MRPL48: variants seen among roughly 807,000 people sequenced by gnomAD.
MRPL48 encodes the protein large ribosomal subunit protein mL48.
A neutral mutation model predicts 32.9 loss-of-function variants in MRPL48; 16 were observed. The ratio of observed to expected loss-of-function variants is 0.49; its 90% confidence interval spans 0.33 to 0.74. The LOEUF is 0.74. MRPL48 is among the 30% of genes least tolerant of loss of function. MRPL48 has a pLI of 0.02. For missense variants in MRPL48, 206 were observed against 245.3 expected (o/e 0.84, Z 1.07); for synonymous variants, 94 against 89.2 (o/e 1.05, Z -0.31).
chr11:73,831,940 C>A (rs1210634400), intron 4 of MRPL48, among the ~76,000 whole-genome samples: 158 of 67,052 alleles, frequency 2.4e-3, no homozygotes, highest in African/African-American at 2.9e-3. Context: ...AACTCTGTCT[C>A]AAAAAAAAAA....
chr11:73,856,010 A>G (rs988657929), intron 5 of MRPL48, among the ~76,000 whole-genome samples: 2 of 152,174 alleles, frequency 1.3e-5, no homozygotes, highest in African/African-American at 4.8e-5. Flanking sequence ...TTCTGTCTTC[A>G]TTAGTGGCCT....
chr11:73,815,291 G>A (rs1354521196), intron 3 of MRPL48, among the ~76,000 whole-genome samples: 2 of 151,226 alleles, frequency 1.3e-5, no homozygotes, highest in Non-Finnish European at 3.0e-5. Context: ...TGGTGCTCCT[G>A]TAATTCCAGT....
chr11:73,843,736 C>G (rs1948233942), intron 4 of MRPL48, among the ~76,000 whole-genome samples: 1 of 152,012 alleles, frequency 6.6e-6, no homozygotes, highest in Non-Finnish European at 1.5e-5. Context: ...TCTGATAAAA[C>G]TCAGGATTCT....
intron 1 of MRPL48, among the ~76,000 whole-genome samples, chr11:73,799,577 G>A (rs543811305): frequency 2.6e-5 from 4 of 152,244 alleles, no homozygotes; most frequent in South Asian, 2.1e-4. Flanking sequence ...ATAAAATGCG[G>A]TAGAAATATC....
chr11:73,823,239 A>ACTG (rs1043025107), intron 3 of MRPL48, among the ~76,000 whole-genome samples: 6 of 152,154 alleles, frequency 3.9e-5, no homozygotes, highest in African/African-American at 1.4e-4. Context: ...AAGGTTGGGG[A>ACTG]CTGCTGACTT....
At chr11:73,797,352 A>T (rs2134941009) in intron 1 of MRPL48, among the ~76,000 whole-genome samples, 1 of 152,348 alleles carries the variant, frequency 6.6e-6, no homozygotes, top group Middle Eastern at 3.4e-3. Context: ...GGGCTAAAAG[A>T]GCTGCAACAG....
intron 4 of MRPL48, among the ~76,000 whole-genome samples, chr11:73,834,715 A>G (rs572402193): frequency 4.2e-4 from 64 of 150,628 alleles, no homozygotes; most frequent in African/African-American, 1.4e-3. Flanking sequence ...TTGTATTTTT[A>G]GTAGAGACAG....
chr11:73,800,841 C>T (rs185271996), intron 1 of MRPL48, among the ~76,000 whole-genome samples: 70 of 116,068 alleles, frequency 6.0e-4, no homozygotes, highest in African/African-American at 1.9e-3. Flanking sequence ...GATGGAGTTT[C>T]GCTCTTGTTG....
intron 4 of MRPL48, chr11:73,832,837 G>A (rs1948020593): frequency 6.6e-6 from 1 of 152,122 alleles, no homozygotes; most frequent in African/African-American, 2.4e-5. Context: ...CTCATTAAAA[G>A]AAAAACCATA....
intron 5 of MRPL48, among the ~76,000 whole-genome samples, chr11:73,850,215 GAGTC>G (rs1167705255): frequency 6.6e-6 from 1 of 150,436 alleles, no homozygotes; most frequent in African/African-American, 2.4e-5. Context: ...TTTTTACACT[GAGTC>G]AGAAAATTAT....
chr11:73,798,774 G>A (rs1176387904), intron 1 of MRPL48, among the ~76,000 whole-genome samples: 4 of 152,026 alleles, frequency 2.6e-5, no homozygotes, highest in African/African-American at 4.8e-5. Flanking sequence ...GGCGGATCAC[G>A]AGGTCAGGAG....
At chr11:73,860,070 T>C in intron 6 of MRPL48, 61 bp downstream of exon 6, 1 of 1,375,394 alleles carries the variant, frequency 7.3e-7, no homozygotes, top group Non-Finnish European at 1.0e-6. Flanking sequence ...CTCTGTCCAC[T>C]TTTTCACTTT....
intron 1 of MRPL48, among the ~76,000 whole-genome samples, chr11:73,794,455 T>C (rs1947212723): frequency 6.6e-6 from 1 of 151,156 alleles, no homozygotes; most frequent in South Asian, 2.1e-4. Context: ...CTCGGGAGGT[T>C]GAGGCAGGAG....
rs537079396 is a variant in MRPL48 at position 73,851,314 on chromosome 11, A to G, written c.371+6338A>G. On this transcript the variant is annotated intron_variant, in intron 5 of 7. Coordinates refer to ENST00000310614, the MANE Select transcript of MRPL48 (RefSeq NM_016055.6). ...GAAAGGCTGAAAGCACAGAACCAGT[A>G]ACTTGCCTGGATTTAAACCCAGTTC... The G allele has an allele frequency of 5.1e-5, 12 of 235,894 alleles. No individual in the cohort carries two copies. In the South Asian group the frequency reaches 6.3e-4, roughly 12 times the overall value. 14.6% of individuals were successfully genotyped at this position (235,894 alleles called of 1,614,324 possible).
At position 73,805,090 on chromosome 11, in the gene MRPL48, T is replaced by G. The variant is rs1242504871; in HGVS notation, c.74+11T>G. ...CTTTTCTCTCTTAAGGTAAGAATAT[T>G]AAAAACAATAATTAAATATAGGTAA... On this transcript the variant is annotated intron_variant, in intron 2 of 7. Transcript: ENST00000310614. 4 of 1,550,698 alleles carry G rather than the reference T, an allele frequency of 2.6e-6. No homozygotes were observed. In the Middle Eastern group the frequency reaches 5.0e-4, roughly 196 times the overall value.
intron 1 of MRPL48, among the ~76,000 whole-genome samples, chr11:73,801,416 C>T (rs1245521025): frequency 1.3e-5 from 2 of 151,910 alleles, no homozygotes; most frequent in Non-Finnish European, 2.9e-5. Flanking sequence ...CAGTTTCCTA[C>T]TCTGTCTTTT....
At chr11:73,844,211 C>T (rs1948243976) in intron 4 of MRPL48, among the ~76,000 whole-genome samples, 1 of 151,940 alleles carries the variant, frequency 6.6e-6, no homozygotes, top group Non-Finnish European at 1.5e-5. Flanking sequence ...GGGTGGATTG[C>T]CTGAGCTCAG....
intron 1 of MRPL48, chr11:73,789,577 A>C (rs1947109604): frequency 1.3e-5 from 2 of 152,280 alleles, no homozygotes; most frequent in East Asian, 1.9e-4. Flanking sequence ...TCTTGTTATG[A>C]CCTTGGGCAA....
chr11:73,821,879 C>A (rs1947790400), intron 3 of MRPL48, among the ~76,000 whole-genome samples: 1 of 152,168 alleles, frequency 6.6e-6, no homozygotes, highest in South Asian at 2.1e-4. Context: ...ATGGTTGCTG[C>A]CTACCCTAAT....
Sources: allele counts gnomAD v4.1 joint callset (sites outside exome capture counted in the v4.1 genomes callset), GRCh38; gene constraint gnomAD v4.1.1; transcripts MANE v1.5; gene names NCBI Gene and HGNC (gene_info 2026-07-23, HGNC 2026-07-21).